Variants in SNTG2 observed in about 807,000 individuals in gnomAD.
SNTG2 encodes gamma-2-syntrophin.
SNTG2 carries 74 observed loss-of-function variants against 70.9 expected under a neutral mutation model. The ratio of observed to expected loss-of-function variants is 1.04; its 90% CI spans 0.86 to 1.27. The LOEUF is 1.27. Among genes scored for constraint, SNTG2 ranks in the 50% most tolerant of loss-of-function variants. The probability of loss-of-function intolerance (pLI) is 0.00; values close to 1 mark genes in which losing one functional copy is unlikely to be tolerated. For missense variants in SNTG2, 717 were observed against 690.7 expected (o/e 1.04, Z -0.43); for synonymous variants, 278 against 273.8 (o/e 1.02, Z -0.15).
intron 12 of SNTG2, among the ~76,000 whole-genome samples, chr2:1,248,309 G>A (rs1460696059): frequency 1.3e-5 from 2 of 152,188 alleles, no homozygotes; most frequent in South Asian, 2.1e-4. Context: ...CCTCCACTCA[G>A]CTCCCCTGAT....
chr2:1,162,073 A>AC (rs1670349826), intron 6 of SNTG2, among the ~76,000 whole-genome samples: 1 of 103,594 alleles, frequency 9.7e-6, no homozygotes, highest in Non-Finnish European at 2.0e-5. Context: ...CTCCGTCTCA[A>AC]AAAAAAAAAA....
intron 9 of SNTG2, among the ~76,000 whole-genome samples, chr2:1,215,966 C>T (rs1054068928): frequency 1.6e-4 from 24 of 152,100 alleles, no homozygotes; most frequent in Non-Finnish European, 2.6e-4. Context: ...GATGGACATT[C>T]GGGTTGGTTC....
At chr2:1,179,315 C>T (rs567204264) in intron 8 of SNTG2, among the ~76,000 whole-genome samples, 6 of 152,218 alleles carry the variant, frequency 3.9e-5, no homozygotes, top group African/African-American at 1.4e-4. Context: ...CAGTTCTGCT[C>T]TGATTTTAGT....
intron 15 of SNTG2, among the ~76,000 whole-genome samples, chr2:1,313,128 C>T (rs1681091357): frequency 2.0e-5 from 3 of 152,072 alleles, no homozygotes. Flanking sequence ...CTTCCATTGT[C>T]AGTATATTAA....
intron 9 of SNTG2, among the ~76,000 whole-genome samples, chr2:1,212,837 T>C (rs1219412017): frequency 6.6e-6 from 1 of 152,186 alleles, no homozygotes; most frequent in African/African-American, 2.4e-5. Flanking sequence ...CTGTGTATCT[T>C]CTCCTGAGGG....
chr2:1,077,647 T>C (rs1465285902), intron 1 of SNTG2, among the ~76,000 whole-genome samples: 1 of 152,150 alleles, frequency 6.6e-6, no homozygotes, highest in Non-Finnish European at 1.5e-5. Context: ...CTTCTGGCTT[T>C]TGAGTCACAC....
intron 1 of SNTG2, among the ~76,000 whole-genome samples, chr2:1,059,833 A>AT (rs1210985124): frequency 6.6e-6 from 1 of 152,186 alleles, no homozygotes; most frequent in Non-Finnish European, 1.5e-5. Context: ...GGGAAGGTAG[A>AT]TTTTTCCATT....
chr2:983,183 A>AGCAGAAGCTGCAGAGGTGGTGGTCAGGAT lies in SNTG2; in HGVS notation c.72+32135_72+32163dup, dbSNP rs1265036226. On this transcript the variant is annotated intron_variant, in intron 1 of 16. Coordinates refer to ENST00000308624, the MANE Select transcript of SNTG2 (RefSeq NM_018968.4). ...GGTCGTGATGAAGCAGAGGCTTTTT[A>AGCAGAAGCTGCAGAGGTGGTGGTCAGGAT]GCAGAAGCTGCAGAGGTGGTGGTCA... Among the ~76,000 whole-genome samples, 369 of 115,338 alleles carry AGCAGAAGCTGCAGAGGTGGTGGTCAGGAT rather than the reference A, an allele frequency of 3.2e-3. 5 individuals carry two copies. The highest frequency in any genetic ancestry group is 0.011 in the African/African-American group (352 of 30,912). 75.7% of individuals were successfully genotyped at this position (115,338 alleles called of 152,430 possible). A position where few individuals can be genotyped will look rare whatever the true frequency, so the allele number is the denominator to read the frequency against.
At chr2:1,078,484 G>T (rs931347598) in intron 1 of SNTG2, among the ~76,000 whole-genome samples, 6 of 152,108 alleles carry the variant, frequency 3.9e-5, no homozygotes, top group South Asian at 2.1e-4. Flanking sequence ...TGGCAGGATT[G>T]CAGGACAGCT....
At chr2:1,269,228 G>A (rs1029988170) in intron 14 of SNTG2, among the ~76,000 whole-genome samples, 9 of 152,210 alleles carry the variant, frequency 5.9e-5, no homozygotes, top group Non-Finnish European at 7.4e-5. Context: ...TGAAGTCTGC[G>A]CACGGTGGTT....
At chr2:1,314,147 G>A (rs1681152806) in intron 15 of SNTG2, among the ~76,000 whole-genome samples, 1 of 152,074 alleles carries the variant, frequency 6.6e-6, no homozygotes. Flanking sequence ...TCCTAATAGG[G>A]GTAGACCACT....
intron 1 of SNTG2, among the ~76,000 whole-genome samples, chr2:966,182 G>A (rs1353225795): frequency 1.3e-5 from 2 of 152,148 alleles, no homozygotes; most frequent in Non-Finnish European, 2.9e-5. Context: ...ATTCTGTGTG[G>A]GGTCTTCAGT....
chr2:980,885 T>A (rs920448798), intron 1 of SNTG2, among the ~76,000 whole-genome samples: 1 of 152,236 alleles, frequency 6.6e-6, no homozygotes, highest in Non-Finnish European at 1.5e-5. Context: ...ACGTTCCAGA[T>A]ACCTAGGACC....
At chr2:1,176,995 A>G (rs1671522277) in intron 8 of SNTG2, among the ~76,000 whole-genome samples, 1 of 152,216 alleles carries the variant, frequency 6.6e-6, no homozygotes, top group Non-Finnish European at 1.5e-5. Context: ...TACCCAAAGG[A>G]ATGCAAATTA....
At chr2:1,047,631 C>G (rs972683825) in intron 1 of SNTG2, among the ~76,000 whole-genome samples, 1 of 152,180 alleles carries the variant, frequency 6.6e-6, no homozygotes, top group Non-Finnish European at 1.5e-5. Context: ...AGTAAATTCT[C>G]AAAGTATTTT....
At chr2:1,057,591 C>A (rs903001827) in intron 1 of SNTG2, among the ~76,000 whole-genome samples, 5 of 152,108 alleles carry the variant, frequency 3.3e-5, no homozygotes, top group African/African-American at 1.2e-4. Flanking sequence ...GCTGCACTGG[C>A]CCTGATTAGA....
intron 1 of SNTG2, among the ~76,000 whole-genome samples, chr2:967,901 C>T (rs964051074): frequency 2.0e-5 from 3 of 152,114 alleles, no homozygotes; most frequent in African/African-American, 7.2e-5. Flanking sequence ...TAGTGGCAGG[C>T]ACCTGTAATC....
chr2:1,062,720 T>G (rs1462353663), intron 1 of SNTG2, among the ~76,000 whole-genome samples: 1 of 152,218 alleles, frequency 6.6e-6, no homozygotes, highest in Non-Finnish European at 1.5e-5. Flanking sequence ...TTTCCCTTGA[T>G]TTTTGTGAGT....
intron 13 of SNTG2, among the ~76,000 whole-genome samples, chr2:1,262,083 C>T (rs563785758): frequency 6.2e-4 from 94 of 152,272 alleles, no homozygotes; most frequent in African/African-American, 2.2e-3. Flanking sequence ...AAAGCCATGT[C>T]AGGACAAAAC....
Sources: allele counts gnomAD v4.1 joint callset (sites outside exome capture counted in the v4.1 genomes callset), GRCh38; gene constraint gnomAD v4.1.1; transcripts MANE v1.5; gene names NCBI Gene and HGNC (gene_info 2026-07-23, HGNC 2026-07-21).